The following SYT9 variants were observed in gnomAD, a reference collection of about 807,000 sequenced individuals.
The protein encoded by SYT9 is synaptotagmin 9, also known as synaptotagmin-9.
SYT9 carries 22 observed loss-of-function variants against 48.4 expected under a neutral mutation model. That is an observed-to-expected ratio of 0.45 (90% confidence interval 0.32 to 0.65). The LOEUF is 0.65. Ranked by LOEUF, SYT9 falls within the 30% of genes least tolerant of loss-of-function variation. The pLI, the probability that SYT9 is intolerant of heterozygous loss-of-function variation, is 0.03. For missense variants in SYT9, 577 were observed against 622.0 expected (o/e 0.93, Z 0.77); for synonymous variants, 265 against 245.0 (o/e 1.08, Z -0.76).
chr11:7,293,771 T>C (rs920868037), intron 1 of SYT9, among the ~76,000 whole-genome samples: 2 of 152,158 alleles, frequency 1.3e-5, no homozygotes, highest in Non-Finnish European at 2.9e-5. Flanking sequence ...ACAAGCTGTT[T>C]CCCAGGGACA....
At chr11:7,264,452 A>G (rs1442201327) in intron 1 of SYT9, among the ~76,000 whole-genome samples, 2 of 152,074 alleles carry the variant, frequency 1.3e-5, no homozygotes, top group African/African-American at 4.8e-5. Context: ...AAGAGTAGCA[A>G]AAGAGTTGAG....
chr11:7,369,372 A>G (rs1337789012), intron 3 of SYT9, among the ~76,000 whole-genome samples: 1 of 151,326 alleles, frequency 6.6e-6, no homozygotes, highest in African/African-American at 2.4e-5. Context: ...TAGATTCTAG[A>G]TATTAGACCT....
At chr11:7,369,803 A>ACG (rs1850328229) in intron 3 of SYT9, among the ~76,000 whole-genome samples, 1 of 141,858 alleles carries the variant, frequency 7.0e-6, no homozygotes, top group Non-Finnish European at 1.5e-5. Flanking sequence ...AAACACACAC[A>ACG]CACACACACA....
intron 6 of SYT9, among the ~76,000 whole-genome samples, chr11:7,443,787 T>G (rs1433283825): frequency 6.6e-6 from 1 of 152,230 alleles, no homozygotes; most frequent in Non-Finnish European, 1.5e-5. Flanking sequence ...TACCCAATCC[T>G]TCACATAGTA....
At chr11:7,298,885 C>T (rs1193199530) in intron 1 of SYT9, among the ~76,000 whole-genome samples, 3 of 152,128 alleles carry the variant, frequency 2.0e-5, no homozygotes, top group African/African-American at 7.2e-5. Flanking sequence ...ACACTCCATG[C>T]AGCTCTGGGT....
intron 3 of SYT9, among the ~76,000 whole-genome samples, chr11:7,342,798 C>T (rs772032705): frequency 6.6e-6 from 1 of 152,244 alleles, no homozygotes; most frequent in Middle Eastern, 3.2e-3. Flanking sequence ...CAGAGGTTCT[C>T]CATGAGGGCC....
chr11:7,432,583 ATAT>A (rs1847620923), intron 6 of SYT9, among the ~76,000 whole-genome samples: 1 of 2,902 alleles, frequency 3.4e-4, no homozygotes, highest in African/African-American at 1.3e-3. Context: ...AAAAAAAAAA[ATAT>A]ATATACATAT....
intron 1 of SYT9, among the ~76,000 whole-genome samples, chr11:7,288,543 C>A (rs1333756327): frequency 6.6e-6 from 1 of 152,154 alleles, no homozygotes; most frequent in Non-Finnish European, 1.5e-5. Context: ...TAGGAAGGAC[C>A]TCTGTCCTAC....
chr11:7,353,679 A>T (rs1426196415), intron 3 of SYT9, among the ~76,000 whole-genome samples: 1 of 149,052 alleles, frequency 6.7e-6, no homozygotes, highest in African/African-American at 2.4e-5. Flanking sequence ...CCAATCCTTC[A>T]TTAGTTCGAT....
At chr11:7,306,553 C>G (rs1425212249) in intron 2 of SYT9, among the ~76,000 whole-genome samples, 1 of 152,142 alleles carries the variant, frequency 6.6e-6, no homozygotes, top group Non-Finnish European at 1.5e-5. Flanking sequence ...GCTGCACTAG[C>G]CTCTCTCTTA....
intron 1 of SYT9, among the ~76,000 whole-genome samples, chr11:7,268,385 G>C (rs149243882): frequency 2.0e-5 from 3 of 151,784 alleles, no homozygotes; most frequent in African/African-American, 2.4e-5. Flanking sequence ...AATATGGAAG[G>C]CATCCTAATT....
At chr11:7,432,824 T>C (rs1847633850) in intron 6 of SYT9, among the ~76,000 whole-genome samples, 1 of 151,678 alleles carries the variant, frequency 6.6e-6, no homozygotes, top group Admixed American at 6.6e-5. Flanking sequence ...TTGTCTCAGA[T>C]GAGACTTTGG....
At chr11:7,351,775 C>A (rs1228494601) in intron 3 of SYT9, among the ~76,000 whole-genome samples, 1 of 152,120 alleles carries the variant, frequency 6.6e-6, no homozygotes, top group African/African-American at 2.4e-5. Flanking sequence ...ATCCCCAGGG[C>A]TGGGAAGATT....
intron 6 of SYT9, among the ~76,000 whole-genome samples, chr11:7,434,557 G>A (rs1398437412): frequency 6.6e-6 from 1 of 152,142 alleles, no homozygotes; most frequent in African/African-American, 2.4e-5. Flanking sequence ...ACTCACTTTG[G>A]CACACAAAGT....
chr11:7,444,219 G>C (rs1211920736), intron 6 of SYT9: 1 of 152,292 alleles, frequency 6.6e-6, no homozygotes, highest in Non-Finnish European at 1.5e-5. Flanking sequence ...GCTGCAAGGA[G>C]AGAGCAGCGT....
intron 3 of SYT9, among the ~76,000 whole-genome samples, chr11:7,388,080 A>G (rs1850695033): frequency 6.6e-6 from 1 of 152,134 alleles, no homozygotes; most frequent in African/African-American, 2.4e-5. Context: ...TATTGCGTTT[A>G]CTTCTTCCCT....
chr11:7,247,507 A>G (rs551737837), upstream of SYT9, among the ~76,000 whole-genome samples: 1 of 149,528 alleles, frequency 6.7e-6, no homozygotes, highest in African/African-American at 2.5e-5. Context: ...ATATACACAT[A>G]TATACATATA....
chr11:7,302,568 C>T (rs1274182148), intron 1 of SYT9, among the ~76,000 whole-genome samples: 3 of 152,204 alleles, frequency 2.0e-5, no homozygotes, highest in Non-Finnish European at 2.9e-5. Flanking sequence ...ACCAAAAAAG[C>T]ACTCTAGTTT....
At chr11:7,372,891 C>T (rs192333517) in intron 3 of SYT9, among the ~76,000 whole-genome samples, 112 of 152,132 alleles carry the variant, frequency 7.4e-4, no homozygotes, top group African/African-American at 2.0e-3. Flanking sequence ...CGATACTGAT[C>T]CTGAATATAA....
Sources: allele counts gnomAD v4.1 joint callset (sites outside exome capture counted in the v4.1 genomes callset), GRCh38; gene constraint gnomAD v4.1.1; transcripts MANE v1.5; gene names NCBI Gene and HGNC (gene_info 2026-07-23, HGNC 2026-07-21).